The following NRG1 variants were observed in gnomAD, a reference collection of about 807,000 sequenced individuals.
NRG1 encodes pro-neuregulin-1, membrane-bound isoform.
NRG1 carries 18 observed loss-of-function variants against 63.8 expected under a neutral mutation model. The observed-to-expected ratio is 0.28, with a 90% CI of 0.19 to 0.42. The LOEUF (loss-of-function observed/expected upper bound fraction) is 0.42, where lower values mean the gene tolerates loss of function less well. NRG1 is among the 10% of genes least tolerant of loss of function. The pLI, the probability that NRG1 is intolerant of heterozygous loss-of-function variation, is 1.00. For synonymous variants in NRG1, 302 were observed against 301.3 expected (o/e 1.00, Z -0.02); for missense variants, 762 against 814.7 (o/e 0.94, Z 0.79).
At chr8:32,772,519 A>T (rs1007856141), downstream of NRG1, among the ~76,000 whole-genome samples, 5 of 152,132 alleles carry the variant, frequency 3.3e-5, no homozygotes, top group Non-Finnish European at 7.3e-5. Context: ...TTTTATATTA[A>T]AGAAATAATA....
At chr8:31,852,479 G>A (rs1303581890) in intron 1 of NRG1, among the ~76,000 whole-genome samples, 6 of 151,962 alleles carry the variant, frequency 3.9e-5, no homozygotes, top group African/African-American at 9.7e-5. Context: ...TTGTAAATTT[G>A]TTTGAGTTCA....
intron 1 of NRG1, among the ~76,000 whole-genome samples, chr8:32,233,638 C>T (rs1364891007): frequency 6.8e-6 from 1 of 147,652 alleles, no homozygotes; most frequent in Non-Finnish European, 1.5e-5. Context: ...GATCTCAGAT[C>T]ACTGCAACCT....
At chr8:31,693,226 T>A (rs991803053) in intron 1 of NRG1, among the ~76,000 whole-genome samples, 1 of 152,182 alleles carries the variant, frequency 6.6e-6, no homozygotes, top group Non-Finnish European at 1.5e-5. Context: ...CTCATCCTTT[T>A]CTATGGGCTG....
chr8:31,819,436 CT>C (rs1157953648), intron 1 of NRG1, among the ~76,000 whole-genome samples: 6 of 152,142 alleles, frequency 3.9e-5, no homozygotes, highest in African/African-American at 1.4e-4. Flanking sequence ...TATTTTGTGC[CT>C]TTTATTTAAA....
intron 1 of NRG1, among the ~76,000 whole-genome samples, chr8:32,050,673 C>T (rs1360908388): frequency 1.3e-5 from 2 of 152,104 alleles, no homozygotes; most frequent in African/African-American, 4.8e-5. Flanking sequence ...CTTTCATTCT[C>T]CTCCGTACCC....
intron 1 of NRG1, among the ~76,000 whole-genome samples, chr8:31,883,246 A>T (rs554419188): frequency 2.0e-5 from 3 of 152,294 alleles, no homozygotes; most frequent in African/African-American, 7.2e-5. Flanking sequence ...GAAGATTCAG[A>T]TGATCATTAG....
At chr8:31,782,112 C>G (rs1390799931) in intron 1 of NRG1, among the ~76,000 whole-genome samples, 2 of 152,156 alleles carry the variant, frequency 1.3e-5, no homozygotes, top group African/African-American at 4.8e-5. Context: ...AATGATCACT[C>G]TCATCCCACC....
intron 1 of NRG1, among the ~76,000 whole-genome samples, chr8:32,493,588 T>G (rs1206164182): frequency 1.3e-5 from 2 of 152,234 alleles, no homozygotes; most frequent in Non-Finnish European, 2.9e-5. Flanking sequence ...AATTGCCTCA[T>G]TTGAAATGGC....
At chr8:32,756,583 G>T (rs1404730189) in intron 9 of NRG1, 54 bp downstream of exon 9, 3 of 1,527,786 alleles carry the variant, frequency 2.0e-6, no homozygotes, top group Non-Finnish European at 2.6e-6. Flanking sequence ...TTGTTCAGAC[G>T]CCTTGAAGTT....
intron 1 of NRG1, among the ~76,000 whole-genome samples, chr8:31,911,427 C>G (rs1188366559): frequency 6.6e-6 from 1 of 152,178 alleles, no homozygotes; most frequent in Admixed American, 6.5e-5. Flanking sequence ...GGATCATCTC[C>G]TTGGCAGGAA....
chr8:32,722,095 A>C, intron 5 of NRG1: 1 of 1,369,860 alleles, frequency 7.3e-7, no homozygotes, highest in Non-Finnish European at 1.0e-6. Flanking sequence ...TTAATATTCA[A>C]ACATTTAAAA....
chr8:32,576,146 TCTA>T (rs890662646), intron 1 of NRG1, among the ~76,000 whole-genome samples: 11 of 152,160 alleles, frequency 7.2e-5, no homozygotes, highest in African/African-American at 2.7e-4. Flanking sequence ...ACATTTAAAA[TCTA>T]CTCTCTTAGC....
At chr8:32,435,079 G>A (rs918552306) in intron 1 of NRG1, among the ~76,000 whole-genome samples, 1 of 152,132 alleles carries the variant, frequency 6.6e-6, no homozygotes, top group Non-Finnish European at 1.5e-5. Flanking sequence ...GAGACACTAT[G>A]CCTATGGTTT....
chr8:32,239,784 G>C lies in NRG1; in HGVS notation c.38-356044G>C, dbSNP rs1374510555. 2.6e-5 allele frequency among the ~76,000 whole-genome samples: 4 copies of C among 152,080 alleles called. No individual in the cohort carries two copies. The South Asian group carries it at 6.2e-4, about 24-fold the overall frequency. On this transcript the variant is annotated intron_variant, in intron 1 of 10. Transcript: ENST00000519301. ...GAAATTTTACCAAAGATGATATACA[G>C]ATGGAAAATAAGCACATGAAAAGAT...
intron 1 of NRG1, chr8:32,063,554 A>G (rs1239877786): frequency 1.3e-5 from 2 of 152,036 alleles, no homozygotes; most frequent in African/African-American, 4.8e-5. Context: ...CCCCCTGGTA[A>G]TAGTCTAATC....
intron 1 of NRG1, among the ~76,000 whole-genome samples, chr8:31,744,859 A>T (rs2131420923): frequency 6.6e-6 from 1 of 152,124 alleles, no homozygotes; most frequent in East Asian, 1.9e-4. Context: ...TTCACTGAGT[A>T]GTGTTTCAAA....
chr8:31,897,619 T>C (rs979882621), intron 1 of NRG1, among the ~76,000 whole-genome samples: 1 of 152,160 alleles, frequency 6.6e-6, no homozygotes, highest in Non-Finnish European at 1.5e-5. Context: ...TTCTGCATAA[T>C]GGGAACCCTG....
chr8:32,253,812 G>A (rs946247240), intron 1 of NRG1, among the ~76,000 whole-genome samples: 2 of 152,090 alleles, frequency 1.3e-5, no homozygotes, highest in Admixed American at 1.3e-4. Flanking sequence ...CTGTGAATCT[G>A]TCTGGTCTTG....
intron 1 of NRG1, among the ~76,000 whole-genome samples, chr8:32,551,084 T>G (rs2129524176): frequency 6.6e-6 from 1 of 152,366 alleles, no homozygotes. Context: ...TCTTTCCTTC[T>G]TTGTCATTTT....
Sources: gnomAD v4.1 joint callset for allele counts (sites outside exome capture counted in the v4.1 genomes callset) on GRCh38, gnomAD v4.1.1 for gene constraint, MANE v1.5 for transcripts, NCBI Gene and HGNC (gene_info 2026-07-23, HGNC 2026-07-21) for gene names.